The following PIWIL1 variants were observed in gnomAD, a reference collection of about 807,000 sequenced individuals.
PIWIL1 encodes piwi like RNA-mediated gene silencing 1.
PIWIL1 carries 73 observed loss-of-function variants against 114.4 expected under a neutral mutation model. That is an observed-to-expected ratio of 0.64 (90% CI 0.53 to 0.78). The LOEUF is 0.78. Ranked by LOEUF, PIWIL1 falls within the 30% of genes least tolerant of loss-of-function variation. The probability of loss-of-function intolerance (pLI) is 0.00; values close to 1 mark genes in which losing one functional copy is unlikely to be tolerated. For missense variants in PIWIL1, 723 were observed against 1,063.1 expected (o/e 0.68, Z 4.45); for synonymous variants, 375 against 369.0 (o/e 1.02, Z -0.19).
intron 10 of PIWIL1, 107 bp downstream of exon 10, chr12:130,354,770 C>A: frequency 6.1e-6 from 9 of 1,473,762 alleles, no homozygotes; most frequent in Non-Finnish European, 8.2e-6. Flanking sequence ...CCCAGAAAAC[C>A]TTTTATTAAA....
chr12:130,393,165 C>CCGT, the PIWIL1 span, among the ~76,000 whole-genome samples: 14 of 103,384 alleles, frequency 1.4e-4, 1 homozygote, highest in Non-Finnish European at 2.8e-4. Flanking sequence ...TCACGTGTGT[C>CCGT]CGTCAGTTAC....
intron 9 of PIWIL1, among the ~76,000 whole-genome samples, chr12:130,350,439 CA>C (rs1331419996): frequency 6.6e-6 from 1 of 152,234 alleles, no homozygotes; most frequent in East Asian, 1.9e-4. Flanking sequence ...AAAATGCAGA[CA>C]GGCTTGTTAG....
chr12:130,397,370 T>C, the PIWIL1 span: 2 of 399,056 alleles, frequency 5.0e-6, no homozygotes, highest in Non-Finnish European at 8.8e-6. Context: ...ATCATTTCAC[T>C]GCACCCAGCT....
At position 130,361,587 on chromosome 12, in the gene PIWIL1, T is replaced by G. The variant is rs561451684; in HGVS notation, c.1956T>G (p.Asn652Lys). ...TCGCAGGATTTGTTGCCAGCATCAATGAAGGGATGACCCGGTGAGTGAGAC... is the reference window on the plus strand; with the variant it reads ...TCGCAGGATTTGTTGCCAGCATCAAGGAAGGGATGACCCGGTGAGTGAGAC... Reference protein sequence around the residue: ...RSIAGFVASINEGMTRWFSRC... With the variant: ...RSIAGFVASIKEGMTRWFSRC... Residue 652 changes from asparagine (N) to lysine (K), a missense_variant, in exon 16 of 21, where the codon AAT (asparagine) becomes AAG (lysine). Physicochemically the swap from Asn to Lys is moderately conservative, Grantham distance 94. Coordinates refer to ENST00000245255, the MANE Select transcript of PIWIL1 (RefSeq NM_004764.5). 6.2e-7 allele frequency: 1 copy of G among 1,614,030 alleles called. No homozygotes were observed. Among genetic ancestry groups the G allele is most frequent in the Admixed American group, 1.7e-5 (1 of 60,028 alleles).
At chr12:130,386,368 C>T in the PIWIL1 span, among the ~76,000 whole-genome samples, 1 of 152,018 alleles carries the variant, frequency 6.6e-6, no homozygotes, top group East Asian at 1.9e-4. Flanking sequence ...AATCCTGGAA[C>T]TAAACCATGG....
At chr12:130,389,231 A>G in the PIWIL1 span, among the ~76,000 whole-genome samples, 1 of 152,020 alleles carries the variant, frequency 6.6e-6, no homozygotes, top group Non-Finnish European at 1.5e-5. Context: ...TTACACTTAC[A>G]TTCATGATGA....
the PIWIL1 span, chr12:130,396,678 G>A: frequency 2.0e-5 from 3 of 152,632 alleles, no homozygotes; most frequent in African/African-American, 7.2e-5. Context: ...TTGGAGTACT[G>A]GTGCTTTACC....
At chr12:130,376,580 G>C (rs2073868399), downstream of PIWIL1, among the ~76,000 whole-genome samples, 1 of 152,194 alleles carries the variant, frequency 6.6e-6, no homozygotes, top group African/African-American at 2.4e-5. Context: ...CCGTAAATCA[G>C]GACTTCATCC....
At chr12:130,399,559 A>C in the PIWIL1 span, 1 of 1,195,382 alleles carries the variant, frequency 8.4e-7, no homozygotes, top group Non-Finnish European at 1.2e-6. Flanking sequence ...CAGAGAAAAA[A>C]AATTCAGGGT....
At chr12:130,367,737 G>A (rs1593122699) in intron 19 of PIWIL1, among the ~76,000 whole-genome samples, 1 of 152,168 alleles carries the variant, frequency 6.6e-6, no homozygotes, top group African/African-American at 2.4e-5. Flanking sequence ...AGCTTACAGC[G>A]GGCACCGGCA....
the PIWIL1 span, chr12:130,396,154 A>C: frequency 6.5e-6 from 1 of 152,762 alleles, no homozygotes; most frequent in Non-Finnish European, 1.5e-5. Context: ...AACAAATTTT[A>C]TTTCTAGAAA....
the PIWIL1 span, among the ~76,000 whole-genome samples, chr12:130,408,356 T>A: frequency 6.6e-6 from 1 of 152,298 alleles, no homozygotes; most frequent in Non-Finnish European, 1.5e-5. Context: ...AGGGATGCCT[T>A]CTCCACCCAG....
the PIWIL1 span, among the ~76,000 whole-genome samples, chr12:130,422,738 A>G: frequency 6.6e-6 from 1 of 152,188 alleles, no homozygotes; most frequent in Non-Finnish European, 1.5e-5. The surrounding 1 kb of genome is among the most constrained non-coding windows in gnomAD (Gnocchi z 5.2). Flanking sequence ...CCAGCACCCC[A>G]CTGTCTACTC....
At chr12:130,389,615 T>C in the PIWIL1 span, among the ~76,000 whole-genome samples, 1 of 152,196 alleles carries the variant, frequency 6.6e-6, no homozygotes, top group Non-Finnish European at 1.5e-5. Context: ...TGTATGATTA[T>C]GTTCTTTTTA....
the PIWIL1 span, among the ~76,000 whole-genome samples, chr12:130,405,265 C>T: frequency 2.0e-5 from 3 of 152,142 alleles, no homozygotes; most frequent in Admixed American, 2.0e-4. Flanking sequence ...ACACATGTGA[C>T]AAAGTATGAA....
intron 18 of PIWIL1, among the ~76,000 whole-genome samples, chr12:130,366,157 G>T (rs1355717192): frequency 6.6e-6 from 1 of 152,184 alleles, no homozygotes; most frequent in Non-Finnish European, 1.5e-5. Context: ...GGAGATGGAG[G>T]TGCTAATAAT....
rs1245516472 is a variant in PIWIL1 at position 130,344,359 on chromosome 12, T to A, written c.190+1258T>A. On this transcript the variant is annotated intron_variant, in intron 3 of 20. Coordinates refer to ENST00000245255, the MANE Select transcript of PIWIL1 (RefSeq NM_004764.5). ...CACTGAGAGAGACAAGTATGAACAG[T>A]TACATGTTTAAAGGATTTTTAGGTA... 5.3e-5 allele frequency among the ~76,000 whole-genome samples: 8 copies of A among 152,068 alleles called. No individual in the cohort carries two copies. In the East Asian group the frequency reaches 1.5e-3, roughly 29 times the overall value.
At chr12:130,407,658 G>T in the PIWIL1 span, 1 of 1,253,220 alleles carries the variant, frequency 8.0e-7, no homozygotes, top group Non-Finnish European at 1.2e-6. Context: ...TGGCCTCAGT[G>T]TGGTGTACCA....
At chr12:130,412,403 G>T in the PIWIL1 span, among the ~76,000 whole-genome samples, 1 of 152,146 alleles carries the variant, frequency 6.6e-6, no homozygotes, top group Non-Finnish European at 1.5e-5. Flanking sequence ...TCACACTTAG[G>T]TGTATCTGTG....
Sources: allele counts gnomAD v4.1 joint callset (sites outside exome capture counted in the v4.1 genomes callset), GRCh38; gene constraint gnomAD v4.1.1; non-coding constraint Gnocchi (gnomAD v3.1); transcripts MANE v1.5; gene names NCBI Gene and HGNC (gene_info 2026-07-23, HGNC 2026-07-21).